Variants in CACNA2D2 observed in about 807,000 individuals in gnomAD.
CACNA2D2 encodes voltage-dependent calcium channel subunit alpha-2/delta-2.
A neutral mutation model predicts 166.4 loss-of-function variants in CACNA2D2; 48 were observed. That is an observed-to-expected ratio of 0.29 (90% confidence interval 0.23 to 0.37). The LOEUF (loss-of-function observed/expected upper bound fraction) is 0.37, where lower values mean the gene tolerates loss of function less well. CACNA2D2 is among the 10% of genes least tolerant of loss of function. CACNA2D2 has a pLI of 1.00. For missense variants in CACNA2D2, 1,122 were observed against 1,433.0 expected (o/e 0.78, Z 3.50); for synonymous variants, 561 against 573.7 (o/e 0.98, Z 0.32).
At chr3:50,467,574 C>A (rs1187056409) in intron 2 of CACNA2D2, among the ~76,000 whole-genome samples, 1 of 152,308 alleles carries the variant, frequency 6.6e-6, no homozygotes, top group South Asian at 2.1e-4. Context: ...CACACCTGCC[C>A]GCCTGCGTGT....
chr3:50,405,863 G>A (rs940982914), intron 3 of CACNA2D2, among the ~76,000 whole-genome samples: 1 of 152,196 alleles, frequency 6.6e-6, no homozygotes, highest in African/African-American at 2.4e-5. Flanking sequence ...AGGCCTGTTT[G>A]TAGCTTTTGC....
chr3:50,426,355 C>A (rs1707807058), intron 3 of CACNA2D2, among the ~76,000 whole-genome samples: 1 of 152,178 alleles, frequency 6.6e-6, no homozygotes, highest in Non-Finnish European at 1.5e-5. Context: ...ATGGCACTCC[C>A]AGGGGAGGCA....
chr3:50,389,035 G>A (rs887879997), intron 4 of CACNA2D2, among the ~76,000 whole-genome samples: 3 of 152,184 alleles, frequency 2.0e-5, no homozygotes, highest in Non-Finnish European at 1.5e-5. Context: ...CAGACGTTTC[G>A]AGAGCAGGGA....
At chr3:50,478,115 C>A (rs1697877565) in intron 1 of CACNA2D2, among the ~76,000 whole-genome samples, 2 of 152,184 alleles carry the variant, frequency 1.3e-5, no homozygotes, top group Admixed American at 1.3e-4. Context: ...GGCTGAGCCA[C>A]AGCCGGATTC....
chr3:50,410,152 G>C (rs2106795359), intron 3 of CACNA2D2, among the ~76,000 whole-genome samples: 1 of 152,318 alleles, frequency 6.6e-6, no homozygotes, highest in South Asian at 2.1e-4. Context: ...GGTCAGTGTT[G>C]AGCCCAGTGA....
chr3:50,471,075 C>G (rs1323990705), intron 2 of CACNA2D2, among the ~76,000 whole-genome samples: 1 of 151,790 alleles, frequency 6.6e-6, no homozygotes, highest in Non-Finnish European at 1.5e-5. Flanking sequence ...CACTGCCCCC[C>G]ACCCTGATGC....
At chr3:50,499,649 A>G (rs1346281680) in intron 1 of CACNA2D2, among the ~76,000 whole-genome samples, 1 of 152,230 alleles carries the variant, frequency 6.6e-6, no homozygotes, top group African/African-American at 2.4e-5. Flanking sequence ...ACCTGCACAC[A>G]GGCAGGAGGA....
intron 23 of CACNA2D2, 69 bp from the exon 24 acceptor site, chr3:50,368,304 C>CA: frequency 1.0e-6 from 1 of 956,466 alleles, no homozygotes; most frequent in South Asian, 1.3e-5. Flanking sequence ...CAAGGCTTCC[C>CA]AACAGGCCCA....
At chr3:50,501,507 G>A (rs889589407) in intron 1 of CACNA2D2, among the ~76,000 whole-genome samples, 17 of 151,536 alleles carry the variant, frequency 1.1e-4, no homozygotes, top group Non-Finnish European at 2.5e-4. Flanking sequence ...CACCCGCCTC[G>A]CCATCTTCTG....
intron 2 of CACNA2D2, among the ~76,000 whole-genome samples, chr3:50,463,695 C>T (rs928687426): frequency 3.3e-5 from 5 of 152,244 alleles, no homozygotes; most frequent in Non-Finnish European, 5.9e-5. Context: ...CTCACACCCT[C>T]CCTGGAATCC....
Position 50,375,588 on chromosome 3 carries a change from C to T in CACNA2D2, c.1907+56G>A. On this transcript the variant is annotated intron_variant, in intron 21 of 37. Coordinates refer to ENST00000424201, the MANE Select transcript of CACNA2D2 (RefSeq NM_006030.4). The surrounding 1 kb of genome is among the most constrained non-coding windows in gnomAD (Gnocchi z 4.0). ...GTGGGAGAGGGAGGGGACAGCTGGG[C>T]TCAGATTCTGGGGCCACCCCACCCT... The T allele has an allele frequency of 6.3e-7, 1 of 1,587,586 alleles. No individual in the cohort carries two copies. The highest frequency in any genetic ancestry group is 2.2e-5 in the East Asian group (1 of 44,766).
In CACNA2D2 at chr3:50,367,944, G is replaced by C; in HGVS notation, c.2144-42C>G. 1 of 1,385,522 alleles carries C rather than the reference G, an allele frequency of 7.2e-7. No individual in the cohort carries two copies. The allele number at this position is 1,385,522 out of a possible 1,614,324, so 85.8% of individuals were successfully genotyped here. ...GGGGTGGGGGTGGGGGCATCTTCTT[G>C]CAGCTCCTTGCCCACCCTCACCCCC... On this transcript the variant is annotated intron_variant, in intron 24 of 37. Transcript: ENST00000424201. This position sits in a 1 kb window ranked among gnomAD's most constrained non-coding sequence, Gnocchi z 6.5.
At chr3:50,398,949 G>A (rs1056359437) in intron 3 of CACNA2D2, among the ~76,000 whole-genome samples, 1 of 152,218 alleles carries the variant, frequency 6.6e-6, no homozygotes, top group Non-Finnish European at 1.5e-5. Context: ...ACAGATACCT[G>A]CAAATCTCAC....
intron 22 of CACNA2D2, 85 bp from the exon 23 acceptor site, chr3:50,370,465 G>A (rs1212883555): frequency 5.1e-6 from 3 of 583,220 alleles, no homozygotes; most frequent in African/African-American, 1.9e-5. Flanking sequence ...TGGAAGGACA[G>A]GGGAGAGGGG....
At chr3:50,487,510 G>A (rs985286022) in intron 1 of CACNA2D2, among the ~76,000 whole-genome samples, 1 of 152,206 alleles carries the variant, frequency 6.6e-6, no homozygotes, top group African/African-American at 2.4e-5. Context: ...GCGCCAAGCT[G>A]TATGTAAATG....
In CACNA2D2 at chr3:50,501,563, T is replaced by C. The variant is rs556654756; in HGVS notation, c.206+1655A>G. ...TGCCTACTCTGGTCAGGTTCTCACA[T>C]CGGCCTTCTAGAGGAGACTCGTGCA... On this transcript the variant is annotated intron_variant, in intron 1 of 37. Transcript: ENST00000424201. Among the ~76,000 whole-genome samples the C allele has an allele frequency of 9.2e-3, 1,400 of 152,268 alleles. 14 individuals are homozygous for C. Among genetic ancestry groups the C allele is most frequent in the Non-Finnish European group, 0.014 (953 of 68,012 alleles).
At chr3:50,368,756 C>T (rs908511892) in intron 23 of CACNA2D2, among the ~76,000 whole-genome samples, 4 of 152,348 alleles carry the variant, frequency 2.6e-5, no homozygotes, top group Admixed American at 1.3e-4. Context: ...TCAGTGGGAA[C>T]ATGTGGGTCC....
chr3:50,395,030 T>G (rs1429330117), intron 3 of CACNA2D2, among the ~76,000 whole-genome samples: 1 of 152,072 alleles, frequency 6.6e-6, no homozygotes, highest in Non-Finnish European at 1.5e-5. Context: ...ATGTTCTTAT[T>G]TGGTACTTTC....
chr3:50,472,447 A>G (rs1256372953), intron 2 of CACNA2D2, among the ~76,000 whole-genome samples: 4 of 152,124 alleles, frequency 2.6e-5, no homozygotes, highest in Non-Finnish European at 5.9e-5. Flanking sequence ...TCCTGCTTCT[A>G]GCCCAGCTCT....
Sources: gnomAD v4.1 joint callset for allele counts (sites outside exome capture counted in the v4.1 genomes callset) on GRCh38, gnomAD v4.1.1 for gene constraint, Gnocchi (gnomAD v3.1) non-coding constraint, MANE v1.5 for transcripts, NCBI Gene and HGNC (gene_info 2026-07-23, HGNC 2026-07-21) for gene names.